The following PPTC7 variants were observed in gnomAD, a reference collection of about 807,000 sequenced individuals.
PPTC7 encodes protein phosphatase targeting COQ7, also known as protein phosphatase PTC7 homolog.
PPTC7 carries 6 observed loss-of-function variants against 30.8 expected under a neutral mutation model. That is an observed-to-expected ratio of 0.19 (90% CI 0.11 to 0.38). The LOEUF (loss-of-function observed/expected upper bound fraction) is 0.38, where lower values mean the gene tolerates loss of function less well. PPTC7 is among the 10% of genes least tolerant of loss of function. The pLI is 1.00. For missense variants in PPTC7, 218 were observed against 404.8 expected (o/e 0.54, Z 3.96); for synonymous variants, 163 against 168.1 (o/e 0.97, Z 0.23).
At chr12:110,571,491 G>A (rs2064536656) in intron 1 of PPTC7, among the ~76,000 whole-genome samples, 1 of 152,118 alleles carries the variant, frequency 6.6e-6, no homozygotes, top group African/African-American at 2.4e-5. Context: ...TTAATAGATT[G>A]TAATGACAAC....
At chr12:110,557,893 C>G (rs900848625) in intron 1 of PPTC7, among the ~76,000 whole-genome samples, 1 of 152,070 alleles carries the variant, frequency 6.6e-6, no homozygotes, top group Non-Finnish European at 1.5e-5. Context: ...AAGTGCTGAG[C>G]AAAGGGGGAA....
chr12:110,553,736 G>A (rs893830006), intron 1 of PPTC7, among the ~76,000 whole-genome samples: 2 of 152,260 alleles, frequency 1.3e-5, no homozygotes, highest in Non-Finnish European at 2.9e-5. Context: ...CCATGATTAC[G>A]CCACTGCACT....
At chr12:110,575,080 C>T (rs557804398) in intron 1 of PPTC7, among the ~76,000 whole-genome samples, 6 of 151,846 alleles carry the variant, frequency 4.0e-5, no homozygotes, top group South Asian at 2.1e-4. Context: ...TGTGACCCAC[C>T]GTGCCCGGCC....
intron 1 of PPTC7, among the ~76,000 whole-genome samples, chr12:110,554,723 C>A (rs2064373240): frequency 6.6e-6 from 1 of 152,098 alleles, no homozygotes; most frequent in African/African-American, 2.4e-5. Context: ...GCTATTCTTT[C>A]CAACACTAAA....
intron 1 of PPTC7, among the ~76,000 whole-genome samples, chr12:110,552,572 A>T (rs1317364336): frequency 6.6e-6 from 1 of 152,198 alleles, no homozygotes; most frequent in Admixed American, 6.5e-5. Flanking sequence ...CTAAGTATAA[A>T]ACATACAGTG....
chr12:110,565,432 T>C (rs542367732), intron 1 of PPTC7, among the ~76,000 whole-genome samples: 47 of 152,090 alleles, frequency 3.1e-4, no homozygotes, highest in African/African-American at 1.1e-3. Context: ...AGTTTTGTAT[T>C]TTTAGTAGAG....
chr12:110,556,407 C>T (rs1312683052), intron 1 of PPTC7, among the ~76,000 whole-genome samples: 1 of 152,118 alleles, frequency 6.6e-6, no homozygotes, highest in Non-Finnish European at 1.5e-5. Context: ...ACTAGAATAA[C>T]CTACTACACG....
At chr12:110,568,792 C>T (rs1410012267) in intron 1 of PPTC7, among the ~76,000 whole-genome samples, 1 of 152,142 alleles carries the variant, frequency 6.6e-6, no homozygotes, top group African/African-American at 2.4e-5. Context: ...TGGATCCTAG[C>T]GTTTCACAAG....
chr12:110,538,338 C>T (rs2064233746), intron 4 of PPTC7, 65 bp from the exon 5 acceptor site: 3 of 1,466,000 alleles, frequency 2.0e-6, no homozygotes, highest in African/African-American at 2.8e-5. Flanking sequence ...TATCTAACCA[C>T]CTTTTCCATC....
At chr12:110,537,608 A>G (rs2064229023) in intron 5 of PPTC7, among the ~76,000 whole-genome samples, 1 of 152,210 alleles carries the variant, frequency 6.6e-6, no homozygotes, top group African/African-American at 2.4e-5. Context: ...TGCTAGCACC[A>G]ACATGTCCCA....
At chr12:110,567,478 T>A (rs1339046214) in intron 1 of PPTC7, among the ~76,000 whole-genome samples, 1 of 152,202 alleles carries the variant, frequency 6.6e-6, no homozygotes, top group African/African-American at 2.4e-5. Flanking sequence ...CAGCTACCCA[T>A]ACATACTTCC....
intron 1 of PPTC7, among the ~76,000 whole-genome samples, chr12:110,554,183 T>C (rs943557932): frequency 6.6e-6 from 1 of 152,220 alleles, no homozygotes; most frequent in Admixed American, 6.5e-5. Flanking sequence ...TTAACTATTA[T>C]TATTTTTAGA....
Position 110,561,002 on chromosome 12 carries a change from C to T in PPTC7, c.224-9034G>A, listed in dbSNP as rs1167946417. Among the ~76,000 whole-genome samples the T allele has an allele frequency of 2.0e-5, 3 of 152,104 alleles. No homozygotes were observed. In the East Asian group the frequency reaches 5.8e-4, roughly 29 times the overall value. On this transcript the variant is annotated intron_variant, in intron 1 of 5. Coordinates refer to ENST00000354300, the MANE Select transcript of PPTC7 (RefSeq NM_139283.2). ...ACTGAATAAGAATCTGGCAGGATCA[C>T]AATAATTGAATAACAGAAGTATCAG...
At chr12:110,560,228 G>A (rs775403983) in intron 1 of PPTC7, among the ~76,000 whole-genome samples, 6 of 151,720 alleles carry the variant, frequency 4.0e-5, no homozygotes, top group Non-Finnish European at 8.8e-5. Flanking sequence ...AGCAAAACCC[G>A]TCTCTACAAA....
chr12:110,577,620 A>G (rs1274024195), intron 1 of PPTC7, among the ~76,000 whole-genome samples: 1 of 152,222 alleles, frequency 6.6e-6, no homozygotes, highest in South Asian at 2.1e-4. Flanking sequence ...TAAGACTGAC[A>G]TTACTCACAA....
At chr12:110,558,898 G>A (rs1358933046) in intron 1 of PPTC7, among the ~76,000 whole-genome samples, 1 of 152,210 alleles carries the variant, frequency 6.6e-6, no homozygotes, top group Non-Finnish European at 1.5e-5. Flanking sequence ...GAACCACCGT[G>A]CCCAGGCTAG....
At position 110,534,562 on chromosome 12, in the gene PPTC7, A is replaced by G. The variant is rs1017554528; in HGVS notation, c.*2475T>C. The G allele has an allele frequency of 4.6e-5, 7 of 152,122 alleles. No homozygotes were observed. Among genetic ancestry groups the G allele is most frequent in the African/African-American group, 1.7e-4 (7 of 41,416 alleles). 9.4% of individuals were successfully genotyped at this position (152,122 alleles called of 1,614,324 possible). On this transcript the variant is annotated 3_prime_UTR_variant, in exon 6 of 6. Transcript: ENST00000354300. ...ACAGCCTCTGACCACTGAGAGTAGGAGAGATACTTGTTAAGCAGCACTCCA... is the reference window on the plus strand; with the variant it reads ...ACAGCCTCTGACCACTGAGAGTAGGGGAGATACTTGTTAAGCAGCACTCCA...
intron 1 of PPTC7, among the ~76,000 whole-genome samples, chr12:110,581,860 A>G (rs1276042853): frequency 2.6e-5 from 4 of 152,262 alleles, no homozygotes; most frequent in Non-Finnish European, 5.9e-5. Flanking sequence ...ATTTGAACCC[A>G]AGTTCAATGA....
intron 2 of PPTC7, among the ~76,000 whole-genome samples, chr12:110,548,120 AG>A (rs1444346635): frequency 1.3e-5 from 2 of 151,582 alleles, no homozygotes; most frequent in East Asian, 3.9e-4. Flanking sequence ...AAAAAAAAAA[AG>A]GTGGAGGGGA....
Sources: allele counts gnomAD v4.1 joint callset (sites outside exome capture counted in the v4.1 genomes callset), GRCh38; gene constraint gnomAD v4.1.1; transcripts MANE v1.5; gene names NCBI Gene and HGNC (gene_info 2026-07-23, HGNC 2026-07-21).